The following KLF8 variants were observed in gnomAD, a reference collection of about 807,000 sequenced individuals.
The protein encoded by KLF8 is Krueppel-like factor 8.
Under a neutral mutation model 18.2 loss-of-function variants are expected in KLF8, and 10 were observed. The observed-to-expected ratio is 0.55, with a 90% CI of 0.34 to 0.93. KLF8 has a LOEUF of 0.93. Among genes scored for constraint, KLF8 ranks in the 40% least tolerant of loss-of-function variants. KLF8 has a pLI of 0.02. For missense variants in KLF8, 264 were observed against 277.9 expected (o/e 0.95, Z 0.36); for synonymous variants, 109 against 97.3 (o/e 1.12, Z -0.71).
At chrX:56,129,123 G>T in the KLF8 span, among the ~76,000 whole-genome samples, 1 of 112,232 alleles carries the variant, frequency 8.9e-6, no homozygotes, top group Non-Finnish European at 1.9e-5. Flanking sequence ...AAATGAAAAT[G>T]TCTTTAAATC....
the KLF8 span, among the ~76,000 whole-genome samples, chrX:55,938,679 G>T: frequency 9.0e-6 from 1 of 110,706 alleles, no homozygotes; most frequent in Non-Finnish European, 1.9e-5. Flanking sequence ...GATGGAGGAA[G>T]ATCTACCAAG....
At chrX:55,949,082 G>A in the KLF8 span, among the ~76,000 whole-genome samples, 1 of 111,820 alleles carries the variant, frequency 8.9e-6, no homozygotes, top group East Asian at 2.8e-4. Flanking sequence ...CTTTTAGTCA[G>A]GCTAGAGTAA....
chrX:56,087,120 C>G, the KLF8 span, among the ~76,000 whole-genome samples: 1 of 111,398 alleles, frequency 9.0e-6, no homozygotes, highest in Non-Finnish European at 1.9e-5. Flanking sequence ...CTGATATTAA[C>G]CAAACAGAAC....
chrX:55,940,473 A>G, the KLF8 span, among the ~76,000 whole-genome samples: 1 of 111,910 alleles, frequency 8.9e-6, no homozygotes, highest in Non-Finnish European at 1.9e-5. Flanking sequence ...GGCACAAAAC[A>G]GGGATGCCCT....
chrX:56,043,235 G>A, the KLF8 span, among the ~76,000 whole-genome samples: 1 of 110,090 alleles, frequency 9.1e-6, no homozygotes, highest in African/African-American at 3.3e-5. Flanking sequence ...CTTTCTGGCT[G>A]CCCTTAAAAT....
At chrX:56,098,886 G>A in the KLF8 span, among the ~76,000 whole-genome samples, 7 of 112,077 alleles carry the variant, frequency 6.2e-5, no homozygotes, top group African/African-American at 2.3e-4. Flanking sequence ...AAGTAATTTT[G>A]CAGGATACAA....
the KLF8 span, among the ~76,000 whole-genome samples, chrX:55,989,944 G>T: frequency 2.3e-4 from 26 of 111,749 alleles, no homozygotes; most frequent in East Asian, 7.3e-3. Context: ...GGGTGTATGT[G>T]TCAAGGAATT....
the KLF8 span, among the ~76,000 whole-genome samples, chrX:56,046,605 T>C: frequency 2.2e-4 from 12 of 53,875 alleles, no homozygotes; most frequent in Non-Finnish European, 5.6e-4. Context: ...TTTGTTTTTC[T>C]GGAAAAAAAA....
the KLF8 span, among the ~76,000 whole-genome samples, chrX:56,135,600 A>C: frequency 1.8e-5 from 2 of 110,543 alleles, no homozygotes. Context: ...ACCTAATGCT[A>C]AATGACGAGT....
At chrX:56,062,000 T>C in the KLF8 span, among the ~76,000 whole-genome samples, 3 of 101,216 alleles carry the variant, frequency 3.0e-5, no homozygotes, top group African/African-American at 8.1e-5. Context: ...TTTTTTTTTT[T>C]TTTTTCTTTT....
the KLF8 span, among the ~76,000 whole-genome samples, chrX:56,140,858 T>A: frequency 9.2e-6 from 1 of 108,933 alleles, no homozygotes; most frequent in Non-Finnish European, 1.9e-5. Context: ...CAACTGTGCA[T>A]GTGCATAAAA....
the KLF8 span, among the ~76,000 whole-genome samples, chrX:56,144,000 C>A: frequency 9.0e-6 from 1 of 111,501 alleles, no homozygotes; most frequent in African/African-American, 3.3e-5. Context: ...AAAACAACAA[C>A]AAAAAGGGAT....
chrX:56,140,904 A>G, the KLF8 span, among the ~76,000 whole-genome samples: 1 of 111,026 alleles, frequency 9.0e-6, no homozygotes, highest in African/African-American at 3.3e-5. Flanking sequence ...GGGTATTATC[A>G]ACTTTTTTAA....
At chrX:56,283,528 C>T (rs1320547328) in intron 5 of KLF8, among the ~76,000 whole-genome samples, 1 of 111,425 alleles carries the variant, frequency 9.0e-6, no homozygotes, top group Non-Finnish European at 1.9e-5. Flanking sequence ...CCCTCCACGA[C>T]GCCCAGCTTA....
chrX:56,157,976 C>G, the KLF8 span, among the ~76,000 whole-genome samples: 1 of 111,975 alleles, frequency 8.9e-6, no homozygotes, highest in Non-Finnish European at 1.9e-5. Context: ...TGCCTATGTC[C>G]TGAATGGTAT....
chrX:56,113,565 T>G, the KLF8 span, among the ~76,000 whole-genome samples: 1 of 101,903 alleles, frequency 9.8e-6, no homozygotes, highest in African/African-American at 3.6e-5. Context: ...TTTTTTTTTT[T>G]TTTTTTTTTT....
At chrX:55,940,937 T>C in the KLF8 span, among the ~76,000 whole-genome samples, 1 of 111,466 alleles carries the variant, frequency 9.0e-6, no homozygotes, top group African/African-American at 3.3e-5. Flanking sequence ...ATCGTGAAAA[T>C]GGCCATACTG....
intron 1 of KLF8, among the ~76,000 whole-genome samples, chrX:56,239,965 T>C (rs777808819): frequency 1.3e-4 from 15 of 112,144 alleles, no homozygotes; most frequent in Non-Finnish European, 2.3e-4. Context: ...TATATTTAAG[T>C]TTGATTATTT....
the KLF8 span, among the ~76,000 whole-genome samples, chrX:56,166,490 T>C: frequency 1.8e-5 from 2 of 112,049 alleles, no homozygotes; most frequent in African/African-American, 6.5e-5. Context: ...CATGGGCCCC[T>C]GAAAGTATCT....
Sources: allele counts gnomAD v4.1 joint callset (sites outside exome capture counted in the v4.1 genomes callset), GRCh38; gene constraint gnomAD v4.1.1; transcripts MANE v1.5; gene names NCBI Gene and HGNC (gene_info 2026-07-23, HGNC 2026-07-21).